Variants in MTUS2 observed in about 807,000 individuals in gnomAD.
The protein encoded by MTUS2 is microtubule associated scaffold protein 2.
A neutral mutation model predicts 114.1 loss-of-function variants in MTUS2; 40 were observed. The ratio of observed to expected loss-of-function variants is 0.35; its 90% CI spans 0.27 to 0.46. The LOEUF is 0.46. Among genes scored for constraint, MTUS2 ranks in the 20% least tolerant of loss-of-function variants. The pLI, the probability that MTUS2 is intolerant of heterozygous loss-of-function variation, is 1.00. For missense variants in MTUS2, 1,679 were observed against 1,705.4 expected, an observed-to-expected ratio of 0.98 and a Z score of 0.27; for synonymous variants, 688 against 672.0, an observed-to-expected ratio of 1.02 and a Z score of -0.37.
intron 5 of MTUS2, among the ~76,000 whole-genome samples, chr13:29,132,984 A>G (rs1393015431): frequency 1.3e-5 from 2 of 150,820 alleles, no homozygotes; most frequent in African/African-American, 4.9e-5. Context: ...ACAAGTGCAC[A>G]AGGGTTCCAG....
chr13:29,500,698 T>C (rs1031645088), intron 14 of MTUS2, among the ~76,000 whole-genome samples: 2 of 151,982 alleles, frequency 1.3e-5, no homozygotes, highest in South Asian at 2.1e-4. Context: ...TGAGACCCAG[T>C]AGTCAAATGA....
At chr13:29,066,770 A>C (rs1306587886) in intron 4 of MTUS2, among the ~76,000 whole-genome samples, 4 of 152,346 alleles carry the variant, frequency 2.6e-5, no homozygotes, top group African/African-American at 9.6e-5. Context: ...TGGGTATATA[A>C]AGAGATAAAT....
chr13:29,242,697 T>A (rs1178841344), intron 5 of MTUS2: 1 of 152,346 alleles, frequency 6.6e-6, no homozygotes, highest in African/African-American at 2.4e-5. Flanking sequence ...TTGTGCTGGA[T>A]CCTAAAGATG....
chr13:29,187,659 A>AT (rs1894281592), intron 5 of MTUS2, among the ~76,000 whole-genome samples: 1 of 152,126 alleles, frequency 6.6e-6, no homozygotes, highest in African/African-American at 2.4e-5. Flanking sequence ...TTTATTTGTC[A>AT]TTTATCATTT....
chr13:29,071,008 T>C (rs1888896426), intron 4 of MTUS2, among the ~76,000 whole-genome samples: 1 of 151,978 alleles, frequency 6.6e-6, no homozygotes, highest in African/African-American at 2.4e-5. Context: ...TGTTTATTTA[T>C]TGATTTATTT....
chr13:28,986,444 A>G (rs1337676518), intron 2 of MTUS2, among the ~76,000 whole-genome samples: 4 of 152,182 alleles, frequency 2.6e-5, no homozygotes, highest in Non-Finnish European at 4.4e-5. Context: ...TGGGACTCCC[A>G]CTTAGTTGTA....
intron 9 of MTUS2, among the ~76,000 whole-genome samples, chr13:29,448,889 G>A (rs1593455650): frequency 6.6e-6 from 1 of 151,486 alleles, no homozygotes; most frequent in Non-Finnish European, 1.5e-5. Flanking sequence ...TAGTAGCTAG[G>A]ATTACAGACA....
At chr13:28,874,616 C>T (rs186773051) in intron 2 of MTUS2, among the ~76,000 whole-genome samples, 1 of 152,212 alleles carries the variant, frequency 6.6e-6, no homozygotes, top group East Asian at 1.9e-4. Flanking sequence ...GTCCTCAAGG[C>T]ATGGTTGCTG....
intron 6 of MTUS2, among the ~76,000 whole-genome samples, chr13:29,304,226 T>G (rs1899334648): frequency 6.6e-6 from 1 of 151,846 alleles, no homozygotes. Context: ...GCAACCACAT[T>G]AAAAAAAGTT....
chr13:29,200,026 G>A (rs1894874110), intron 5 of MTUS2, among the ~76,000 whole-genome samples: 1 of 152,128 alleles, frequency 6.6e-6, no homozygotes, highest in African/African-American at 2.4e-5. Context: ...TGTGGGATCA[G>A]TGGTGATATC....
At chr13:29,153,507 G>A (rs928964187) in intron 5 of MTUS2, among the ~76,000 whole-genome samples, 2 of 152,264 alleles carry the variant, frequency 1.3e-5, no homozygotes, top group Middle Eastern at 3.4e-3. Context: ...GGAGGGGGCA[G>A]GAACCTCCTA....
At chr13:28,916,659 C>T (rs908614186) in intron 2 of MTUS2, among the ~76,000 whole-genome samples, 5 of 151,102 alleles carry the variant, frequency 3.3e-5, no homozygotes, top group East Asian at 1.9e-4. Context: ...CTGTTTTAAT[C>T]GGATTTTTGT....
At chr13:29,078,871 T>C (rs1314846490) in intron 4 of MTUS2, among the ~76,000 whole-genome samples, 3 of 152,250 alleles carry the variant, frequency 2.0e-5, no homozygotes, top group Non-Finnish European at 4.4e-5. Flanking sequence ...CTTTTGTCTC[T>C]TATGAATAAT....
At chr13:29,356,565 G>T (rs1358250306) in intron 7 of MTUS2, among the ~76,000 whole-genome samples, 4 of 152,178 alleles carry the variant, frequency 2.6e-5, no homozygotes, top group Non-Finnish European at 4.4e-5. Flanking sequence ...CATGTGGGTG[G>T]ACAGGAAAGG....
chr13:28,868,849 A>G (rs1292694249), intron 2 of MTUS2, among the ~76,000 whole-genome samples: 3 of 152,166 alleles, frequency 2.0e-5, no homozygotes, highest in Admixed American at 2.0e-4. Flanking sequence ...CCGTAGCCTG[A>G]GTGATAAAAA....
intron 5 of MTUS2, among the ~76,000 whole-genome samples, chr13:29,186,743 C>T (rs548981085): frequency 6.2e-4 from 94 of 152,276 alleles, no homozygotes; most frequent in African/African-American, 2.1e-3. Flanking sequence ...AGGTGGAAAA[C>T]TTTAGCAATA....
Position 29,041,612 on chromosome 13 carries a change from A to AT in MTUS2, c.2446+7494dup, listed in dbSNP as rs1025712730. On this transcript the variant is annotated intron_variant, in intron 4 of 15. Coordinates refer to ENST00000612955, the MANE Select transcript of MTUS2 (RefSeq NM_001033602.4). Reference sequence around the variant, plus strand: ...TTTCCATTTGTTTGTGTCATCTGTGATTTTTTTCGGCAGTGTTTTGTAATT... The same window carrying AT: ...TTTCCATTTGTTTGTGTCATCTGTGATTTTTTTTCGGCAGTGTTTTGTAATT... Among the ~76,000 whole-genome samples the AT allele has an allele frequency of 1.1e-3, 167 of 151,716 alleles. 1 individual carries two copies. Among genetic ancestry groups the AT allele is most frequent in the African/African-American group, 3.6e-3 (147 of 41,380 alleles).
chr13:29,026,239 A>G lies in MTUS2; in HGVS notation c.1541A>G (p.Glu514Gly), dbSNP rs758806896. ...TSVAENRNLL[E>G]NADKIESTSA... The stretch of plus-strand genomic sequence containing the variant: ...GTTGCTGAAAACAGGAACCTTCTAG[A>G]GAATGCAGATAAGATTGAAAGCACC... Residue 514 changes from glutamate (E) to glycine (G), a missense_variant, in exon 3 of 16, where the codon GAG (glutamate) becomes GGG (glycine). By Grantham distance (98) the Glu-to-Gly change is moderately conservative (BLOSUM62 -2). Around this residue, in one of 3 missense-constraint regions of MTUS2, gnomAD observed 843 missense variants for 770.8 expected, o/e 1.09. Coordinates refer to ENST00000612955, the MANE Select transcript of MTUS2 (RefSeq NM_001033602.4). 6 of 1,613,896 alleles carry G rather than the reference A, an allele frequency of 3.7e-6. No homozygotes were observed. The African/African-American group carries it at 8.0e-5, about 22-fold the overall frequency.
At chr13:29,051,612 G>A (rs777308347) in intron 4 of MTUS2, among the ~76,000 whole-genome samples, 5 of 152,156 alleles carry the variant, frequency 3.3e-5, no homozygotes, top group African/African-American at 9.7e-5. Context: ...TATAGAGGGT[G>A]GAAAACCAGA....
Sources: gnomAD v4.1 joint callset for allele counts (sites outside exome capture counted in the v4.1 genomes callset) on GRCh38, gnomAD v4.1.1 for gene constraint, gnomAD v4.1.1 regional missense constraint, MANE v1.5 for transcripts, NCBI Gene and HGNC (gene_info 2026-07-23, HGNC 2026-07-21) for gene names.